Variants in IREB2 observed in about 807,000 individuals in gnomAD.
The protein encoded by IREB2 is iron-responsive element-binding protein 2.
Under a neutral mutation model 118.8 loss-of-function variants are expected in IREB2, and 39 were observed. That is an observed-to-expected ratio of 0.33 (90% confidence interval 0.25 to 0.43). The LOEUF is 0.43. Ranked by LOEUF, IREB2 falls within the 20% of genes least tolerant of loss-of-function variation. The pLI is 1.00. For missense variants in IREB2, 900 were observed against 1,147.3 expected (o/e 0.78, Z 3.11); for synonymous variants, 372 against 392.2 (o/e 0.95, Z 0.61).
chr15:78,476,515 G>A, intron 9 of IREB2, 156 bp downstream of exon 9: 1 of 530,920 alleles, frequency 1.9e-6, no homozygotes, highest in Admixed American at 3.3e-5. Flanking sequence ...TGTCTTTAAA[G>A]AGTGTTGTGT....
intron 2 of IREB2, among the ~76,000 whole-genome samples, chr15:78,448,986 C>T (rs901759725): frequency 1.3e-5 from 2 of 152,090 alleles, no homozygotes; most frequent in African/African-American, 4.8e-5. Flanking sequence ...ATATCAAAAC[C>T]CTTTTACTTC....
At chr15:78,470,486 C>CT in intron 5 of IREB2, 46 bp from the exon 6 acceptor site, 1 of 1,258,200 alleles carries the variant, frequency 7.9e-7, no homozygotes, top group Admixed American at 1.9e-5. Flanking sequence ...CAAGGCAAGT[C>CT]TTTTTTGTAA....
chr15:78,486,868 C>G (rs796943876), intron 13 of IREB2, among the ~76,000 whole-genome samples: 18 of 152,148 alleles, frequency 1.2e-4, no homozygotes, highest in African/African-American at 4.1e-4. Context: ...CAGAGTTTCA[C>G]TGTGTTGGCC....
chr15:78,441,639 G>T (rs2050845918), intron 2 of IREB2, among the ~76,000 whole-genome samples: 1 of 152,156 alleles, frequency 6.6e-6, no homozygotes, highest in African/African-American at 2.4e-5. Flanking sequence ...GAATCAGTAG[G>T]AAACTGTCAA....
At position 78,462,918 on chromosome 15, in the gene IREB2, T is replaced by C. The variant is rs1184438608; in HGVS notation, c.107-4T>C. The C allele has an allele frequency of 3.8e-6, 6 of 1,574,234 alleles. No individual in the cohort carries two copies. The highest frequency in any genetic ancestry group is 4.3e-6 in the Non-Finnish European group (5 of 1,164,944). ...TTATTAATAGTAATATTTTCTTGAA[T>C]CAGATGTTCTGCCTTACTCAATACG... On this transcript the variant is annotated splice_polypyrimidine_tract_variant and splice_region_variant and intron_variant, in intron 2 of 21. Coordinates refer to ENST00000258886, the MANE Select transcript of IREB2 (RefSeq NM_004136.4).
chr15:78,446,823 T>C (rs2050937219), intron 2 of IREB2, among the ~76,000 whole-genome samples: 1 of 151,604 alleles, frequency 6.6e-6, no homozygotes, highest in Non-Finnish European at 1.5e-5. Context: ...ACTGTAGCAG[T>C]TTGGACAGGC....
chr15:78,476,114 T>G, intron 8 of IREB2, 74 bp from the exon 9 acceptor site: 1 of 1,162,186 alleles, frequency 8.6e-7, no homozygotes, highest in Non-Finnish European at 1.2e-6. Context: ...AAATTTTATT[T>G]TATAGTTTTC....
chr15:78,493,889 CT>C lies in IREB2; in HGVS notation c.2325-17del, dbSNP rs752540279. ...ATTTTCCACATGTAATGAAAACTGA[CT>C]TTCATTACTTTCTTGTAGCCTTACC... On this transcript the variant is annotated intron_variant, in intron 18 of 21. Coordinates refer to ENST00000258886, the MANE Select transcript of IREB2 (RefSeq NM_004136.4). The C allele has an allele frequency of 1.6e-4, 251 of 1,598,518 alleles. No homozygotes were observed. The highest frequency in any genetic ancestry group is 8.3e-4 in the Middle Eastern group (5 of 5,998).
rs549131021 is a variant in IREB2, at chr15:78,462,562, T to C, written c.107-360T>C. 2.6e-5 allele frequency among the ~76,000 whole-genome samples: 4 copies of C among 152,356 alleles called. No individual in the cohort carries two copies. The East Asian group carries it at 7.7e-4, about 29-fold the overall frequency. On this transcript the variant is annotated intron_variant, in intron 2 of 21. Transcript: ENST00000258886. ...TCTTTTTGCCATACCAGGGGATGTC[T>C]GCATTATTGAATTGAATTCTGATAT...
chr15:78,440,174 A>G (rs575422913), intron 2 of IREB2, among the ~76,000 whole-genome samples: 2 of 152,014 alleles, frequency 1.3e-5, no homozygotes, highest in Non-Finnish European at 1.5e-5. Flanking sequence ...TTTTGTGAAG[A>G]CAGGGGTCTT....
At chr15:78,472,237 GTCT>G (rs1253147961) in intron 7 of IREB2, among the ~76,000 whole-genome samples, 2 of 152,082 alleles carry the variant, frequency 1.3e-5, no homozygotes, top group Non-Finnish European at 2.9e-5. Flanking sequence ...GCTTCTCCTG[GTCT>G]TCTTTATAAG....
chr15:78,442,267 T>C (rs997007139), intron 2 of IREB2, among the ~76,000 whole-genome samples: 1 of 152,144 alleles, frequency 6.6e-6, no homozygotes, highest in African/African-American at 2.4e-5. Context: ...AATTTCCTAA[T>C]AAGGAATAAA....
intron 18 of IREB2, among the ~76,000 whole-genome samples, chr15:78,491,232 G>T (rs558744781): frequency 1.3e-5 from 2 of 152,200 alleles, no homozygotes; most frequent in South Asian, 4.2e-4. Context: ...TCTGCTTCAT[G>T]AGCCTAAAAT....
chr15:78,439,782 A>T lies in IREB2; in HGVS notation c.20-13A>T, dbSNP rs751285219. 5.5e-6 allele frequency: 8 copies of T among 1,449,250 alleles called. No individual in the cohort carries two copies. The highest frequency in any genetic ancestry group is 2.5e-5 in the South Asian group (2 of 80,056). 89.8% of individuals were successfully genotyped at this position (1,449,250 alleles called of 1,614,324 possible). On this transcript the variant is annotated splice_polypyrimidine_tract_variant and intron_variant, in intron 1 of 21. Coordinates refer to ENST00000258886, the MANE Select transcript of IREB2 (RefSeq NM_004136.4). ...TGTTGCTGCATTTAATGAAAATACAATTTTTTTTTCAGGATACGCCTTTGA... is the reference window on the plus strand; with the variant it reads ...TGTTGCTGCATTTAATGAAAATACATTTTTTTTTTCAGGATACGCCTTTGA...
intron 1 of IREB2, among the ~76,000 whole-genome samples, chr15:78,439,447 C>T (rs1259039076): frequency 1.3e-5 from 2 of 152,050 alleles, no homozygotes; most frequent in South Asian, 2.1e-4. Flanking sequence ...TTCTTATTGT[C>T]CCTTTCCAGG....
At chr15:78,442,981 A>G (rs2050867931) in intron 2 of IREB2, among the ~76,000 whole-genome samples, 1 of 152,190 alleles carries the variant, frequency 6.6e-6, no homozygotes. Context: ...CTTAGCTTCA[A>G]GAAGGCTGAA....
At chr15:78,463,685 C>G (rs2141476657) in intron 3 of IREB2, among the ~76,000 whole-genome samples, 1 of 152,180 alleles carries the variant, frequency 6.6e-6, no homozygotes, top group East Asian at 1.9e-4. Context: ...ATATTGAAAA[C>G]TTGATTTTAT....
intron 14 of IREB2, 88 bp from the exon 15 acceptor site, chr15:78,488,092 G>A (rs1178447673): frequency 7.0e-6 from 9 of 1,290,712 alleles, no homozygotes; most frequent in Non-Finnish European, 8.5e-6. Context: ...CTCGCCCTCA[G>A]ACTTTAAGAT....
intron 2 of IREB2, among the ~76,000 whole-genome samples, chr15:78,445,146 T>A (rs76367452): frequency 0.053 from 7,942 of 149,806 alleles, 517 homozygotes; most frequent in African/African-American, 0.14. Flanking sequence ...ATTTTTTTTT[T>A]TTTTTTTTTG....
Sources: allele counts gnomAD v4.1 joint callset (sites outside exome capture counted in the v4.1 genomes callset), GRCh38; gene constraint gnomAD v4.1.1; transcripts MANE v1.5; gene names NCBI Gene and HGNC (gene_info 2026-07-23, HGNC 2026-07-21).